The following KALRN variants were observed in gnomAD, a reference collection of about 807,000 sequenced individuals.
The protein encoded by KALRN is kalirin.
In KALRN, 70 loss-of-function variants were observed where a neutral mutation model predicts 353.7. The ratio of observed to expected loss-of-function variants is 0.20; its 90% CI spans 0.16 to 0.24. KALRN has a LOEUF of 0.24. KALRN is among the 10% of genes least tolerant of loss of function. The probability of loss-of-function intolerance (pLI) is 1.00; values close to 1 mark genes in which losing one functional copy is unlikely to be tolerated. For synonymous variants in KALRN, 1,391 were observed against 1,434.8 expected (o/e 0.97, Z 0.69); for missense variants, 2,791 against 3,756.7 (o/e 0.74, Z 6.72).
At chr3:124,102,228 GC>G (rs2061929797) in intron 1 of KALRN, among the ~76,000 whole-genome samples, 1 of 152,078 alleles carries the variant, frequency 6.6e-6, no homozygotes, top group Non-Finnish European at 1.5e-5. Flanking sequence ...AAGGGACCAG[GC>G]CTCTTGTCTA....
At chr3:124,446,377 G>A (rs759326501) in intron 20 of KALRN, 101 bp downstream of exon 20, 6 of 766,080 alleles carry the variant, frequency 7.8e-6, no homozygotes, top group Non-Finnish European at 1.3e-5. Context: ...GCAGATTGGG[G>A]ATGGGAGTGG....
intron 54 of KALRN, among the ~76,000 whole-genome samples, chr3:124,697,135 T>C (rs1019806958): frequency 3.3e-5 from 5 of 152,092 alleles, no homozygotes; most frequent in Non-Finnish European, 7.4e-5. Flanking sequence ...TGGGCTCAAG[T>C]GATCCTCCTG....
intron 36 of KALRN, among the ~76,000 whole-genome samples, chr3:124,635,342 G>A (rs2081242822): frequency 6.6e-6 from 1 of 152,150 alleles, no homozygotes; most frequent in Non-Finnish European, 1.5e-5. Flanking sequence ...CTTGCATAAG[G>A]TCACCACCTT....
At chr3:124,433,195 T>A (rs1385041107) in intron 16 of KALRN, among the ~76,000 whole-genome samples, 1 of 151,758 alleles carries the variant, frequency 6.6e-6, no homozygotes, top group Non-Finnish European at 1.5e-5. Flanking sequence ...TCTTGAACCC[T>A]AAGAAAGGAC....
chr3:124,243,944 C>T (rs767967008), intron 3 of KALRN, among the ~76,000 whole-genome samples: 4 of 152,106 alleles, frequency 2.6e-5, no homozygotes, highest in Non-Finnish European at 5.9e-5. Context: ...TTGTCCCTAG[C>T]ACTGCTTTTT....
rs375108520 is a variant in KALRN, at chr3:124,442,035, C to T, written c.3289C>T (p.Arg1097Trp). ...CATGCCCAGTGTCGCCAGCCACACTCGGGGACCCGAGCAACAAGTGAAAGG... is the reference window on the plus strand; with the variant it reads ...CATGCCCAGTGTCGCCAGCCACACTTGGGGACCCGAGCAACAAGTGAAAGG... ...VSMPSVASHT[R>W]GPEQQVKAIL... is the part of the protein sequence containing the mutation. Residue 1097 changes from arginine to tryptophan, a missense_variant, in exon 19 of 60, where the codon CGG becomes TGG. Around this residue, in one of 11 missense-constraint regions of KALRN, gnomAD observed 268 missense variants for 347.0 expected, o/e 0.77. Coordinates refer to ENST00000682506, the MANE Select transcript of KALRN (RefSeq NM_001388419.1). 21 of 1,602,832 alleles carry T rather than the reference C, an allele frequency of 1.3e-5. No individual in the cohort carries two copies. Among genetic ancestry groups the T allele is most frequent in the Admixed American group, 3.4e-5 (2 of 59,628 alleles).
At chr3:124,677,922 T>C (rs2087374053) in intron 49 of KALRN, among the ~76,000 whole-genome samples, 1 of 152,232 alleles carries the variant, frequency 6.6e-6, no homozygotes, top group Admixed American at 6.5e-5. Flanking sequence ...TATTAGAGTT[T>C]AGTAACCTAG....
intron 10 of KALRN, among the ~76,000 whole-genome samples, chr3:124,366,144 G>C (rs982537571): frequency 6.6e-6 from 1 of 151,992 alleles, no homozygotes; most frequent in African/African-American, 2.4e-5. Flanking sequence ...TGTAATGTCT[G>C]ATGGGGCTAC....
At chr3:124,259,466 A>G (rs942494914) in intron 3 of KALRN, among the ~76,000 whole-genome samples, 1 of 152,218 alleles carries the variant, frequency 6.6e-6, no homozygotes, top group African/African-American at 2.4e-5. Flanking sequence ...CAGTCTGTGT[A>G]TGGCACCATC....
intron 5 of KALRN, among the ~76,000 whole-genome samples, chr3:124,293,120 G>T (rs1009173642): frequency 1.1e-4 from 16 of 152,330 alleles, no homozygotes; most frequent in African/African-American, 3.8e-4. Flanking sequence ...TAGGGCACAA[G>T]CTTTTATGGA....
chr3:124,709,631 T>C (rs2062797429), intron 57 of KALRN, among the ~76,000 whole-genome samples: 1 of 151,940 alleles, frequency 6.6e-6, no homozygotes, highest in East Asian at 1.9e-4. Flanking sequence ...TTCCCAGAAA[T>C]CTGAGCAACC....
intron 47 of KALRN, among the ~76,000 whole-genome samples, 193 bp from the exon 48 acceptor site, chr3:124,671,467 T>A (rs1331707790): frequency 6.6e-6 from 1 of 152,222 alleles, no homozygotes; most frequent in Non-Finnish European, 1.5e-5. Flanking sequence ...GCACCTCACA[T>A]ATGGCACCGT....
chr3:124,249,073 A>G (rs73188162), intron 3 of KALRN, among the ~76,000 whole-genome samples: 40,198 of 152,298 alleles, frequency 0.26, 6,634 homozygotes, highest in Non-Finnish European at 0.37. Context: ...AGCTCTGACT[A>G]TGAAGGAGTG....
chr3:124,445,503 A>G (rs2093806952), intron 19 of KALRN, among the ~76,000 whole-genome samples: 1 of 152,224 alleles, frequency 6.6e-6, no homozygotes, highest in Admixed American at 6.5e-5. Context: ...CCTTGTATAT[A>G]CACTCATTTA....
intron 34 of KALRN, among the ~76,000 whole-genome samples, chr3:124,611,525 A>G (rs909815820): frequency 3.3e-5 from 5 of 152,230 alleles, no homozygotes; most frequent in African/African-American, 7.2e-5. Context: ...TCACTAGAAG[A>G]AAAGGTGATT....
chr3:124,449,470 A>G (rs1319793499), intron 21 of KALRN, among the ~76,000 whole-genome samples: 1 of 152,244 alleles, frequency 6.6e-6, no homozygotes, highest in African/African-American at 2.4e-5. Context: ...TTCAAAATGT[A>G]TAAGGGGTCA....
Position 124,227,985 on chromosome 3 carries a change from C to T in KALRN, c.74-5C>T, listed in dbSNP as rs762264522. 10 of 1,613,364 alleles carry T rather than the reference C, an allele frequency of 6.2e-6. No individual in the cohort carries two copies. The South Asian group carries it at 7.7e-5, about 12-fold the overall frequency. ...CCTGATTCCTTCTGGTTTGTTGTCCCACAGGGTCTTTTCGGAATGATGGTT... is the reference window on the plus strand; with the variant it reads ...CCTGATTCCTTCTGGTTTGTTGTCCTACAGGGTCTTTTCGGAATGATGGTT... On this transcript the variant is annotated splice_region_variant and splice_polypyrimidine_tract_variant and intron_variant, in intron 1 of 59. Coordinates refer to ENST00000682506, the MANE Select transcript of KALRN (RefSeq NM_001388419.1).
chr3:124,186,115 CAGTGG>C (rs1252642539), intron 1 of KALRN, among the ~76,000 whole-genome samples: 1 of 152,140 alleles, frequency 6.6e-6, no homozygotes, highest in African/African-American at 2.4e-5. Context: ...AGGATGTTTT[CAGTGG>C]AGTATCTTCA....
intron 34 of KALRN, among the ~76,000 whole-genome samples, chr3:124,603,365 A>T (rs1471422255): frequency 6.6e-6 from 1 of 152,018 alleles, no homozygotes; most frequent in Non-Finnish European, 1.5e-5. Flanking sequence ...CCTCTAATTG[A>T]TTCACTTAAT....
Sources: allele counts gnomAD v4.1 joint callset (sites outside exome capture counted in the v4.1 genomes callset), GRCh38; gene constraint gnomAD v4.1.1; regional missense constraint gnomAD v4.1.1; transcripts MANE v1.5; gene names NCBI Gene and HGNC (gene_info 2026-07-23, HGNC 2026-07-21).